Variants in ZNF862 observed in about 807,000 individuals in gnomAD.
The protein encoded by ZNF862 is zinc finger protein 862.
Under a neutral mutation model 91.1 loss-of-function variants are expected in ZNF862, and 64 were observed. The observed-to-expected ratio is 0.70, with a 90% CI of 0.57 to 0.87. ZNF862 has a LOEUF of 0.87. Among genes scored for constraint, ZNF862 ranks in the 40% least tolerant of loss-of-function variants. The pLI is 0.00. For synonymous variants in ZNF862, 631 were observed against 618.1 expected, an observed-to-expected ratio of 1.02 and a Z score of -0.31; for missense variants, 1,459 against 1,528.0, an observed-to-expected ratio of 0.95 and a Z score of 0.75.
rs200491517 is a variant in ZNF862 at position 149,848,301 on chromosome 7, G to A, written c.808G>A (p.Gly270Arg). The change falls in exon 4 of 8, where the codon GGG becomes AGG. Residue 270 changes from glycine (G) to arginine (R), a missense_variant. Coordinates refer to ENST00000223210, the MANE Select transcript of ZNF862 (RefSeq NM_001099220.3). ...SSRAELEDPG[G>R]DGAIPAMYLD... Reference sequence around the variant, plus strand: ...AAGAGCTGAACTAGAGGACCCTGGGGGGGATGGAGCAATTCCTGCAATGTA... The same window carrying A: ...AAGAGCTGAACTAGAGGACCCTGGGAGGGATGGAGCAATTCCTGCAATGTA... The A allele has an allele frequency of 1.2e-5, 19 of 1,608,668 alleles. No homozygotes were observed. The African/African-American group carries it at 2.0e-4, about 17-fold the overall frequency.
In ZNF862 at chr7:149,860,824, T is replaced by A. The variant is rs1268210864; in HGVS notation, c.1664T>A (p.Met555Lys). ...PEISSDLMAN[M>K]EHFFNAAYSI... is the part of the protein sequence containing the mutation. ...ATCTCCAGCGACCTCATGGCCAACA[T>A]GGAGCACTTTTTCAATGCCGCCTAC... The change falls in exon 7 of 8, where the codon ATG becomes AAG. Residue 555 changes from methionine to lysine, a missense_variant. Coordinates refer to ENST00000223210, the MANE Select transcript of ZNF862 (RefSeq NM_001099220.3). 1.2e-6 allele frequency: 2 copies of A among 1,613,622 alleles called. No individual in the cohort carries two copies. The highest frequency in any genetic ancestry group is 1.7e-6 in the Non-Finnish European group (2 of 1,179,878).
chr7:149,852,064 G>A (rs1802083323), intron 5 of ZNF862: 1 of 152,112 alleles, frequency 6.6e-6, no homozygotes, highest in Admixed American at 6.5e-5. Context: ...AGATATAGAA[G>A]CATCTTAAGG....
chr7:149,841,815 T>G (rs1420718962), intron 1 of ZNF862: 1 of 936,428 alleles, frequency 1.1e-6, no homozygotes, highest in African/African-American at 1.8e-5. Flanking sequence ...ATGGTTCTAT[T>G]ATTGCACTTA....
intron 5 of ZNF862, among the ~76,000 whole-genome samples, chr7:149,853,545 C>T (rs550474309): frequency 9.9e-4 from 150 of 152,178 alleles, no homozygotes; most frequent in Non-Finnish European, 1.9e-3. Flanking sequence ...AGGGTAGTGG[C>T]GCCAGCGGCA....
intron 5 of ZNF862, chr7:149,856,009 C>T (rs971597977): frequency 8.5e-5 from 13 of 152,524 alleles, no homozygotes; most frequent in Admixed American, 6.5e-4. Context: ...CTTGACAATG[C>T]TTTCCAGAAA....
intron 1 of ZNF862, among the ~76,000 whole-genome samples, chr7:149,840,141 G>A (rs1368201439): frequency 3.0e-5 from 4 of 131,688 alleles, no homozygotes; most frequent in Non-Finnish European, 4.6e-5. Context: ...GTAGGCTTAG[G>A]CTAATGTGTG....
intron 4 of ZNF862, among the ~76,000 whole-genome samples, chr7:149,849,750 G>A (rs2128937767): frequency 6.6e-6 from 1 of 152,338 alleles, no homozygotes; most frequent in African/African-American, 2.4e-5. Context: ...CTGGTCATAA[G>A]CATCTTTAGC....
chr7:149,862,712 G>A (rs912746129), intron 7 of ZNF862, among the ~76,000 whole-genome samples: 6 of 152,338 alleles, frequency 3.9e-5, no homozygotes, highest in African/African-American at 1.2e-4. Flanking sequence ...TGCAGAGAGC[G>A]TGCATTTCTA....
At chr7:149,852,895 C>T (rs953103486) in intron 5 of ZNF862, among the ~76,000 whole-genome samples, 84 of 152,288 alleles carry the variant, frequency 5.5e-4, no homozygotes, top group Non-Finnish European at 3.2e-4. Context: ...TAACTACAGC[C>T]AGGCCTTACA....
chr7:149,854,649 A>G (rs1802194675), intron 5 of ZNF862, among the ~76,000 whole-genome samples: 1 of 152,186 alleles, frequency 6.6e-6, no homozygotes, highest in Admixed American at 6.5e-5. Context: ...CCGGCCAGGC[A>G]GGCTCCTGTC....
chr7:149,846,068 A>C, intron 2 of ZNF862, 83 bp from the exon 3 acceptor site: 2 of 943,994 alleles, frequency 2.1e-6, no homozygotes, highest in Non-Finnish European at 3.3e-6. Context: ...GCAGACAGAT[A>C]CCTCCTTCGT....
chr7:149,861,025 C>T lies in ZNF862; in HGVS notation c.1865C>T (p.Pro622Leu), dbSNP rs1222751760. The T allele has an allele frequency of 3.1e-6, 5 of 1,612,990 alleles. No individual in the cohort carries two copies. Among genetic ancestry groups the T allele is most frequent in the Non-Finnish European group, 4.2e-6 (5 of 1,179,722 alleles). The change falls in exon 7 of 8, where the codon CCC becomes CTC. Residue 622 changes from proline (P) to leucine (L), a missense_variant. Pro to Leu is a moderately conservative substitution (Grantham distance 98). Coordinates refer to ENST00000223210, the MANE Select transcript of ZNF862 (RefSeq NM_001099220.3). The surrounding 1 kb of genome is among the most constrained non-coding windows in gnomAD (Gnocchi z 6.7). ...REILEDVRNS[P>L]CVSVLLDSST... Reference sequence around the variant, plus strand: ...ATCCTGGAGGACGTGCGGAACTCGCCCTGTGTGAGCGTGCTGCTGGACAGC... The same window carrying T: ...ATCCTGGAGGACGTGCGGAACTCGCTCTGTGTGAGCGTGCTGCTGGACAGC...
At chr7:149,857,574 G>A (rs1802304324) in intron 5 of ZNF862, among the ~76,000 whole-genome samples, 1 of 151,962 alleles carries the variant, frequency 6.6e-6, no homozygotes, top group Non-Finnish European at 1.5e-5. Context: ...CATGTTAGAG[G>A]CTTTTCTTAA....
At chr7:149,844,425 A>G (rs544795009) in intron 1 of ZNF862, among the ~76,000 whole-genome samples, 200 bp from the exon 2 acceptor site, 1 of 152,270 alleles carries the variant, frequency 6.6e-6, no homozygotes, top group African/African-American at 2.4e-5. Flanking sequence ...GTTTCATTTC[A>G]GTGCGTGGCA....
Position 149,846,182 on chromosome 7 carries a change from C to T in ZNF862, c.168C>T (p.Arg56=), listed in dbSNP as rs2128936687. ...CTGTTGCCAATCCTGAGCTGTTCCG[C>T]AAGTTCGGACGAGGGCCAGAGCCAT... ...GPTVANPELF[R]KFGRGPEPWL... is the part of the protein sequence containing the mutation. The change falls in exon 3 of 8, where the codon CGC becomes CGT. Residue 56 remains arginine, a synonymous_variant. Transcript: ENST00000223210. The T allele has an allele frequency of 6.2e-7, 1 of 1,613,466 alleles. No individual in the cohort carries two copies.
intron 5 of ZNF862, among the ~76,000 whole-genome samples, chr7:149,851,239 C>T (rs1296461704): frequency 6.6e-6 from 1 of 152,132 alleles, no homozygotes; most frequent in Admixed American, 6.5e-5. Flanking sequence ...CCATGTTGGC[C>T]AGGCTGGTGT....
At chr7:149,848,560 A>G (rs1473277438) in intron 4 of ZNF862, 128 bp downstream of exon 4, 6 of 737,256 alleles carry the variant, frequency 8.1e-6, no homozygotes, top group African/African-American at 3.5e-5. Context: ...TAATGTTGGC[A>G]TATACCAACA....
rs1253953525 is a variant in ZNF862, at chr7:149,864,818, G to A, written c.*534G>A. ...AAGCAGTGAGGCCGTGGTCTCGTGC[G>A]GAACTCTACCTCTTCCCAGGGCTTC... is the stretch of plus-strand genomic sequence containing the variant. On this transcript the variant is annotated 3_prime_UTR_variant, in exon 8 of 8. Coordinates refer to ENST00000223210, the MANE Select transcript of ZNF862 (RefSeq NM_001099220.3). 6.5e-6 allele frequency: 1 copy of A among 153,962 alleles called. No homozygotes were observed. The highest frequency in any genetic ancestry group is 6.4e-5 in the Admixed American group (1 of 15,648). The allele number at this position is 153,962 out of a possible 1,614,324, so 9.5% of individuals were successfully genotyped here.
At chr7:149,860,156 G>T in intron 6 of ZNF862, 1 of 553,326 alleles carries the variant, frequency 1.8e-6, no homozygotes. Flanking sequence ...GGGCGCTGGT[G>T]AAAGAACCCA....
Sources: gnomAD v4.1 joint callset for allele counts (sites outside exome capture counted in the v4.1 genomes callset) on GRCh38, gnomAD v4.1.1 for gene constraint, Gnocchi (gnomAD v3.1) non-coding constraint, MANE v1.5 for transcripts, NCBI Gene and HGNC (gene_info 2026-07-23, HGNC 2026-07-21) for gene names.